The following COL25A1 variants were observed in gnomAD, a reference collection of about 807,000 sequenced individuals.
COL25A1 encodes the protein collagen type XXV alpha 1 chain, also known as collagen alpha-1(XXV) chain.
In COL25A1, 103 loss-of-function variants were observed where a neutral mutation model predicts 128.4. That is an observed-to-expected ratio of 0.80 (90% confidence interval 0.68 to 0.94). The LOEUF is 0.94. Among genes scored for constraint, COL25A1 ranks in the 40% least tolerant of loss-of-function variants. The pLI is 0.00. For synonymous variants in COL25A1, 279 were observed against 277.2 expected, an observed-to-expected ratio of 1.01 and a Z score of -0.06; for missense variants, 745 against 840.0, an observed-to-expected ratio of 0.89 and a Z score of 1.40.
At chr4:108,973,588 A>C (rs1188578746) in intron 8 of COL25A1, among the ~76,000 whole-genome samples, 1 of 152,208 alleles carries the variant, frequency 6.6e-6, no homozygotes, top group African/African-American at 2.4e-5. Context: ...GAGCCTTTCC[A>C]CTGTAAAAAA....
intron 11 of COL25A1, among the ~76,000 whole-genome samples, chr4:108,935,950 GA>G (rs1747347881): frequency 6.6e-6 from 1 of 152,144 alleles, no homozygotes; most frequent in Admixed American, 6.5e-5. Context: ...ATAAAAATCT[GA>G]GTAGTCTGTG....
chr4:109,154,638 A>G (rs1771857543), intron 3 of COL25A1, among the ~76,000 whole-genome samples: 1 of 152,190 alleles, frequency 6.6e-6, no homozygotes, highest in Non-Finnish European at 1.5e-5. Flanking sequence ...GAATATGAAG[A>G]CACCGCCTAA....
intron 8 of COL25A1, among the ~76,000 whole-genome samples, chr4:108,967,301 T>A (rs1221177102): frequency 6.6e-6 from 1 of 152,222 alleles, no homozygotes; most frequent in Non-Finnish European, 1.5e-5. Flanking sequence ...CCCCTATCAT[T>A]TCACATTAAT....
At chr4:109,271,276 G>C (rs552744399) in intron 3 of COL25A1, among the ~76,000 whole-genome samples, 8 of 152,224 alleles carry the variant, frequency 5.3e-5, no homozygotes, top group African/African-American at 1.9e-4. Context: ...AATAAAATAA[G>C]GTTCTTGGTT....
At chr4:109,069,472 T>C (rs755657748) in intron 3 of COL25A1, among the ~76,000 whole-genome samples, 5 of 152,128 alleles carry the variant, frequency 3.3e-5, no homozygotes, top group Non-Finnish European at 5.9e-5. Context: ...AAGTGCTGGG[T>C]GAGAGCCACC....
intron 6 of COL25A1, among the ~76,000 whole-genome samples, chr4:108,983,617 C>T (rs1366919589): frequency 6.6e-6 from 1 of 152,132 alleles, no homozygotes; most frequent in Non-Finnish European, 1.5e-5. Flanking sequence ...TGTTACAGCT[C>T]TTAAGGTGGC....
chr4:109,061,685 A>T (rs959903385), intron 3 of COL25A1, among the ~76,000 whole-genome samples: 2 of 152,220 alleles, frequency 1.3e-5, no homozygotes, highest in Admixed American at 6.5e-5. Flanking sequence ...CCATTTAAAA[A>T]GACACTTGCA....
chr4:109,119,240 T>C (rs983771810), intron 3 of COL25A1, among the ~76,000 whole-genome samples: 1 of 151,960 alleles, frequency 6.6e-6, no homozygotes, highest in Non-Finnish European at 1.5e-5. Context: ...TAGCATTGGA[T>C]GCACGTATTA....
intron 3 of COL25A1, among the ~76,000 whole-genome samples, chr4:109,229,393 C>G (rs1446936198): frequency 1.3e-5 from 2 of 152,148 alleles, no homozygotes; most frequent in African/African-American, 4.8e-5. Context: ...CAATACATAA[C>G]CTTGCTTCAT....
chr4:108,899,617 G>A (rs546301727), intron 14 of COL25A1, among the ~76,000 whole-genome samples: 8 of 152,096 alleles, frequency 5.3e-5, no homozygotes, highest in African/African-American at 1.9e-4. Flanking sequence ...TCATTTCCAG[G>A]GTCTAGGGTG....
intron 3 of COL25A1, among the ~76,000 whole-genome samples, chr4:109,059,727 T>C (rs1480852636): frequency 6.6e-6 from 1 of 152,226 alleles, no homozygotes; most frequent in East Asian, 1.9e-4. Flanking sequence ...CAGCAGTTTT[T>C]ACCCATGCTG....
intron 6 of COL25A1, among the ~76,000 whole-genome samples, chr4:108,980,114 C>T (rs1752825267): frequency 6.6e-6 from 1 of 152,212 alleles, no homozygotes; most frequent in Non-Finnish European, 1.5e-5. Flanking sequence ...TAACCACACT[C>T]AGGCGTTTGA....
chr4:108,941,049 G>A (rs1414385934), intron 9 of COL25A1, among the ~76,000 whole-genome samples: 1 of 152,158 alleles, frequency 6.6e-6, no homozygotes, highest in Non-Finnish European at 1.5e-5. Flanking sequence ...AAGCATATGA[G>A]GCTCCCATCA....
chr4:109,099,017 C>T (rs1434239163), intron 3 of COL25A1, among the ~76,000 whole-genome samples: 1 of 152,196 alleles, frequency 6.6e-6, no homozygotes, highest in Non-Finnish European at 1.5e-5. Flanking sequence ...AGGAGGTTAT[C>T]CATGTAAAGC....
At chr4:109,160,394 A>G (rs1442996693) in intron 3 of COL25A1, among the ~76,000 whole-genome samples, 8 of 152,238 alleles carry the variant, frequency 5.3e-5, no homozygotes, top group Admixed American at 5.2e-4. Context: ...TTATAAATAG[A>G]GCAAACTATT....
At chr4:108,886,004 A>T (rs887720974) in intron 18 of COL25A1, among the ~76,000 whole-genome samples, 10 of 152,222 alleles carry the variant, frequency 6.6e-5, no homozygotes, top group Admixed American at 5.9e-4. Context: ...CAAGAAAAAG[A>T]TGTGTAAGAC....
At chr4:109,170,588 T>C (rs1773495854) in intron 3 of COL25A1, among the ~76,000 whole-genome samples, 1 of 152,096 alleles carries the variant, frequency 6.6e-6, no homozygotes, top group Admixed American at 6.6e-5. Flanking sequence ...CACGTGCCCA[T>C]TGTATGCCCC....
intron 8 of COL25A1, among the ~76,000 whole-genome samples, chr4:108,944,801 T>C (rs1748534658): frequency 6.6e-6 from 1 of 152,214 alleles, no homozygotes; most frequent in Non-Finnish European, 1.5e-5. Flanking sequence ...AAAGACCTTT[T>C]TCCTCAAACA....
chr4:109,272,757 T>C (rs1782279648), intron 3 of COL25A1, among the ~76,000 whole-genome samples: 1 of 152,144 alleles, frequency 6.6e-6, no homozygotes, highest in Non-Finnish European at 1.5e-5. Context: ...GGGAGCGTTA[T>C]CATCTGAACT....
Sources: gnomAD v4.1 joint callset for allele counts (sites outside exome capture counted in the v4.1 genomes callset) on GRCh38, gnomAD v4.1.1 for gene constraint, MANE v1.5 for transcripts, NCBI Gene and HGNC (gene_info 2026-07-23, HGNC 2026-07-21) for gene names.